JAM2: variants seen among roughly 807,000 people sequenced by gnomAD.
JAM2 encodes the protein junctional adhesion molecule 2.
A neutral mutation model predicts 42.0 loss-of-function variants in JAM2; 17 were observed. That is an observed-to-expected ratio of 0.40 (90% confidence interval 0.28 to 0.61). The LOEUF is 0.61. Ranked by LOEUF, JAM2 falls within the 20% of genes least tolerant of loss-of-function variation. The pLI is 0.37. For missense variants in JAM2, 319 were observed against 358.3 expected (o/e 0.89, Z 0.89); for synonymous variants, 118 against 128.6 (o/e 0.92, Z 0.56).
Position 25,684,507 on chromosome 21 carries a change from A to T in JAM2, c.133+559A>T, listed in dbSNP as rs553540737. 2.0e-4 allele frequency among the ~76,000 whole-genome samples: 30 copies of T among 151,804 alleles called. 1 individual carries two copies. The South Asian group carries it at 2.1e-3, about 11-fold the overall frequency. Reference sequence around the variant, plus strand: ...AAAAATGGTCAAGATGGTGAATTTTACGTTTATTTTGCCACAGTTAAAAAA... The same window carrying T: ...AAAAATGGTCAAGATGGTGAATTTTTCGTTTATTTTGCCACAGTTAAAAAA... On this transcript the variant is annotated intron_variant, in intron 2 of 9. Transcript: ENST00000480456.
chr21:25,677,677 G>T (rs981987962), intron 1 of JAM2, among the ~76,000 whole-genome samples: 1 of 152,148 alleles, frequency 6.6e-6, no homozygotes, highest in African/African-American at 2.4e-5. Context: ...AAGGTATGAT[G>T]ATACAGAGGG....
intron 1 of JAM2, among the ~76,000 whole-genome samples, chr21:25,646,912 T>C (rs2032630847): frequency 1.3e-5 from 2 of 152,220 alleles, no homozygotes; most frequent in Admixed American, 1.3e-4. Flanking sequence ...AATTTTTATT[T>C]GTTTTGTTGG....
rs183040688 is a variant in JAM2, at chr21:25,650,634, A to G, written c.67+10746A>G. 3.9e-4 allele frequency among the ~76,000 whole-genome samples: 59 copies of G among 152,364 alleles called. 1 individual carries two copies. Among genetic ancestry groups the G allele is most frequent in the African/African-American group, 1.4e-3 (57 of 41,588 alleles). Reference sequence around the variant, plus strand: ...TTGTAATATGTATTTCTGTATCAACATATTAATCATAAAACATATAATACA... The same window carrying G: ...TTGTAATATGTATTTCTGTATCAACGTATTAATCATAAAACATATAATACA... On this transcript the variant is annotated intron_variant, in intron 1 of 9. Transcript: ENST00000480456.
rs999501983 is a variant in JAM2, at chr21:25,683,946, A to C, written c.131A>C (p.Gln44Pro). 3 of 1,592,548 alleles carry C rather than the reference A, an allele frequency of 1.9e-6. No homozygotes were observed. In the African/African-American group the frequency reaches 4.0e-5, roughly 21 times the overall value. ...CAAGTAGTCACAGCAGTAGAGTACC[A>C]AGGTACAGTATCTTACTGATTTTCA... ...DQQVVTAVEY[Q>P]EAILACKTPK... The change falls in exon 2 of 10, where the codon CAA becomes CCA. Residue 44 changes from glutamine to proline, a missense_variant and splice_region_variant. Coordinates refer to ENST00000480456, the MANE Select transcript of JAM2 (RefSeq NM_021219.4).
At chr21:25,656,446 G>A (rs1460708588) in intron 1 of JAM2, among the ~76,000 whole-genome samples, 2 of 152,146 alleles carry the variant, frequency 1.3e-5, no homozygotes, top group African/African-American at 2.4e-5. Flanking sequence ...TTCTTCATAT[G>A]ATTTAATTTC....
At position 25,717,358 on chromosome 21, in the gene JAM2, G is replaced by C. The variant is rs568146606; in HGVS notation, c.*2686G>C. On this transcript the variant is annotated 3_prime_UTR_variant, in exon 10 of 10. Coordinates refer to ENST00000480456, the MANE Select transcript of JAM2 (RefSeq NM_021219.4). ...TTATTTTCCTGCAGTGAATTGTGTT[G>C]TGTAAAGATTAGGGCTTTAAAATCT... The C allele has an allele frequency of 4.5e-6, 1 of 222,362 alleles. No individual in the cohort carries two copies. The highest frequency in any genetic ancestry group is 2.3e-5 in the African/African-American group (1 of 43,776). 13.8% of individuals were successfully genotyped at this position (222,362 alleles called of 1,614,324 possible).
Position 25,639,543 on chromosome 21 carries a change from C to T in JAM2, c.-279C>T. On this transcript the variant is annotated 5_prime_UTR_variant, in exon 1 of 10. Coordinates refer to ENST00000480456, the MANE Select transcript of JAM2 (RefSeq NM_021219.4). ...CCCCCTCGCTAGGACCCGGCGGACG[C>T]CTCGTCTGGTTTTCACGCCCTCTAG... 1 of 356,432 alleles carries T rather than the reference C, an allele frequency of 2.8e-6. No individual in the cohort carries two copies. The highest frequency in any genetic ancestry group is 5.0e-6 in the Non-Finnish European group (1 of 199,550). The allele number at this position is 356,432 out of a possible 1,614,324, so 22.1% of individuals were successfully genotyped here. A position where few individuals can be genotyped will look rare whatever the true frequency, so the allele number is the denominator to read the frequency against.
At chr21:25,681,300 A>G (rs1346754218) in intron 1 of JAM2, among the ~76,000 whole-genome samples, 1 of 152,216 alleles carries the variant, frequency 6.6e-6, no homozygotes, top group Non-Finnish European at 1.5e-5. Context: ...TGGGTACTTC[A>G]TAAAGGAAAG....
At chr21:25,703,436 A>C (rs1753129127) in intron 6 of JAM2, among the ~76,000 whole-genome samples, 1 of 152,246 alleles carries the variant, frequency 6.6e-6, no homozygotes, top group Non-Finnish European at 1.5e-5. Flanking sequence ...AGTTAAAATT[A>C]GTTTGTTTAA....
At chr21:25,647,999 T>C (rs2032661919) in intron 1 of JAM2, among the ~76,000 whole-genome samples, 1 of 152,128 alleles carries the variant, frequency 6.6e-6, no homozygotes, top group East Asian at 1.9e-4. Context: ...TCACCTGAGG[T>C]CAGGAGTTTG....
intron 9 of JAM2, among the ~76,000 whole-genome samples, chr21:25,714,032 A>C (rs1490090413): frequency 1.3e-5 from 2 of 152,232 alleles, no homozygotes; most frequent in South Asian, 4.1e-4. Context: ...TGTCCTGTAC[A>C]TCATAGGATG....
chr21:25,695,770 C>T (rs964477195), intron 4 of JAM2, among the ~76,000 whole-genome samples: 15 of 143,560 alleles, frequency 1.0e-4, no homozygotes, highest in African/African-American at 3.7e-4. Flanking sequence ...CGGGCAGAGA[C>T]GCTCCTCACC....
At chr21:25,652,841 C>T (rs1298990976) in intron 1 of JAM2, among the ~76,000 whole-genome samples, 1 of 152,222 alleles carries the variant, frequency 6.6e-6, no homozygotes, top group Non-Finnish European at 1.5e-5. Flanking sequence ...CAGCCTGTAT[C>T]AATCAGCTTT....
chr21:25,705,891 G>A, intron 6 of JAM2, 88 bp from the exon 7 acceptor site: 1 of 875,822 alleles, frequency 1.1e-6, no homozygotes, highest in Admixed American at 1.8e-5. Flanking sequence ...GCTGCAAAGG[G>A]GATCTTTTTT....
At chr21:25,681,462 C>G (rs1287204160) in intron 1 of JAM2, among the ~76,000 whole-genome samples, 1 of 152,130 alleles carries the variant, frequency 6.6e-6, no homozygotes, top group Non-Finnish European at 1.5e-5. Context: ...ATAAAACCAT[C>G]AGATCTCGTG....
chr21:25,650,514 AAAAACACTGAATCAGTGATCTTC>A (rs1296742394), intron 1 of JAM2, among the ~76,000 whole-genome samples: 1 of 152,216 alleles, frequency 6.6e-6, no homozygotes, highest in Non-Finnish European at 1.5e-5. Flanking sequence ...GGCATGTTCA[AAAAACACTGAATCAGTGATCTTC>A]AAACTTTTTT....
At chr21:25,707,441 C>T (rs1056183899) in intron 7 of JAM2, among the ~76,000 whole-genome samples, 4 of 152,062 alleles carry the variant, frequency 2.6e-5, no homozygotes, top group Non-Finnish European at 5.9e-5. Flanking sequence ...AAGATCATGC[C>T]ACTCCACTCC....
intron 6 of JAM2, among the ~76,000 whole-genome samples, chr21:25,704,281 C>G (rs1010677504): frequency 8.6e-5 from 13 of 151,894 alleles, no homozygotes; most frequent in African/African-American, 3.1e-4. Context: ...CTCTCAATAC[C>G]CAAGCAAACT....
chr21:25,671,819 C>A (rs530000209), intron 1 of JAM2, among the ~76,000 whole-genome samples: 1 of 152,100 alleles, frequency 6.6e-6, no homozygotes, highest in African/African-American at 2.4e-5. Context: ...GAAAAGGATT[C>A]TCTTTGTTTG....
Sources: gnomAD v4.1 joint callset for allele counts (sites outside exome capture counted in the v4.1 genomes callset) on GRCh38, gnomAD v4.1.1 for gene constraint, MANE v1.5 for transcripts, NCBI Gene and HGNC (gene_info 2026-07-23, HGNC 2026-07-21) for gene names.